The following SLC15A1 variants were observed in gnomAD, a reference collection of about 807,000 sequenced individuals.
SLC15A1 encodes the protein Caco-2 oligopeptide transporter.
A neutral mutation model predicts 92.9 loss-of-function variants in SLC15A1; 83 were observed. The observed-to-expected ratio is 0.89, with a 90% CI of 0.75 to 1.07. The LOEUF (loss-of-function observed/expected upper bound fraction) is 1.07, where lower values mean the gene tolerates loss of function less well. SLC15A1 is among the 50% of genes least tolerant of loss of function. The pLI is 0.00. For synonymous variants in SLC15A1, 322 were observed against 318.2 expected (o/e 1.01, Z -0.13); for missense variants, 857 against 880.1 (o/e 0.97, Z 0.33).
At chr13:98,716,433 C>G (rs571735095) in intron 8 of SLC15A1, among the ~76,000 whole-genome samples, 3 of 152,168 alleles carry the variant, frequency 2.0e-5, no homozygotes, top group African/African-American at 7.2e-5. Context: ...ACCAGCCTGA[C>G]CAACATGGTG....
intron 17 of SLC15A1, among the ~76,000 whole-genome samples, chr13:98,703,353 A>G (rs953032549): frequency 2.3e-4 from 35 of 152,094 alleles, no homozygotes; most frequent in Admixed American, 5.9e-4. Flanking sequence ...CGGTGCTTCC[A>G]CAGAACACTA....
chr13:98,717,177 G>A (rs775371016), intron 8 of SLC15A1, among the ~76,000 whole-genome samples: 4 of 152,114 alleles, frequency 2.6e-5, no homozygotes, highest in Middle Eastern at 3.4e-3. Context: ...CAATTAAGAG[G>A]GTCTGAGATT....
intron 1 of SLC15A1, among the ~76,000 whole-genome samples, chr13:98,743,652 C>A (rs909569643): frequency 6.6e-6 from 1 of 152,112 alleles, no homozygotes; most frequent in Middle Eastern, 3.2e-3. Flanking sequence ...CAGGTAGAGG[C>A]CGGGTAGTCA....
Position 98,712,493 on chromosome 13 carries a change from C to T in SLC15A1, c.810+5G>A, listed in dbSNP as rs144598592. On this transcript the variant is annotated splice_donor_5th_base_variant and intron_variant, in intron 10 of 22. Coordinates refer to ENST00000376503, the MANE Select transcript of SLC15A1 (RefSeq NM_005073.4). ...AGGGTCATTGTAGCAATGACCGTTA[C>T]TTACATCGTATTTCTCTTTAGCCCA... 9.3e-6 allele frequency: 15 copies of T among 1,604,584 alleles called. No homozygotes were observed. Among genetic ancestry groups the T allele is most frequent in the Admixed American group, 1.7e-5 (1 of 59,636 alleles).
chr13:98,715,980 A>G lies in SLC15A1; in HGVS notation c.641-20T>C. The G allele has an allele frequency of 6.2e-7, 1 of 1,608,074 alleles. No individual in the cohort carries two copies. The highest frequency in any genetic ancestry group is 8.5e-7 in the Non-Finnish European group (1 of 1,174,510). ...ACACAACTAGATAGGGCAGAAGAAG[A>G]CATGTCAGCAAAGCATGTGACCGAG... On this transcript the variant is annotated intron_variant, in intron 8 of 22. Transcript: ENST00000376503.
In SLC15A1 at chr13:98,688,567, T is replaced by C. The variant is rs750579782; in HGVS notation, c.1477A>G (p.Thr493Ala). 1 of 1,612,786 alleles carries C rather than the reference T, an allele frequency of 6.2e-7. No individual in the cohort carries two copies. Among genetic ancestry groups the C allele is most frequent in the South Asian group, 1.1e-5 (1 of 91,006 alleles). Reference protein sequence around the residue: ...KGENGIRFVNTFNELITITMS... With the variant: ...KGENGIRFVNAFNELITITMS... ...GTGATGGTGATGAGCTCGTTAAAAG[T>C]ATTTACAAATCTGAAACAGAAAACC... The change falls in exon 19 of 23, where the codon ACT (threonine) becomes GCT (alanine). Residue 493 changes from threonine to alanine, a missense_variant. Thr to Ala is a moderately conservative substitution (Grantham distance 58). Coordinates refer to ENST00000376503, the MANE Select transcript of SLC15A1 (RefSeq NM_005073.4).
At chr13:98,700,657 TGTA>T (rs1485564009) in intron 18 of SLC15A1, among the ~76,000 whole-genome samples, 1 of 152,142 alleles carries the variant, frequency 6.6e-6, no homozygotes, top group Non-Finnish European at 1.5e-5. Flanking sequence ...ACATTTTACT[TGTA>T]GATCTAGAAT....
At chr13:98,702,032 T>C (rs2088072018) in intron 18 of SLC15A1, among the ~76,000 whole-genome samples, 1 of 152,114 alleles carries the variant, frequency 6.6e-6, no homozygotes, top group South Asian at 2.1e-4. Context: ...TTCTTTTTCT[T>C]GTGTCTTTGC....
intron 1 of SLC15A1, among the ~76,000 whole-genome samples, chr13:98,730,609 C>T (rs1483679105): frequency 3.9e-5 from 6 of 152,226 alleles, no homozygotes; most frequent in South Asian, 2.1e-4. Flanking sequence ...GGATGACCTC[C>T]GCCCTGCGGG....
rs7331216 is a variant in SLC15A1 at position 98,684,665 on chromosome 13, T to C, written c.*59A>G. ...CCATCCAATGGAGTGTCCTGCTACC[T>C]GGGGGCAGAGGTCAGGGCATCTGCG... is the stretch of plus-strand genomic sequence containing the variant. On this transcript the variant is annotated 3_prime_UTR_variant, in exon 23 of 23. Coordinates refer to ENST00000376503, the MANE Select transcript of SLC15A1 (RefSeq NM_005073.4). 95,672 of 1,447,040 alleles carry C rather than the reference T, an allele frequency of 0.066. 4,215 individuals carry two copies. Among genetic ancestry groups the C allele is most frequent in the Admixed American group, 0.17 (9,982 of 57,746 alleles). 89.6% of individuals were successfully genotyped at this position (1,447,040 alleles called of 1,614,324 possible). A position where few individuals can be genotyped will look rare whatever the true frequency, so the allele number is the denominator to read the frequency against.
chr13:98,702,272 A>G (rs949347814), intron 18 of SLC15A1, among the ~76,000 whole-genome samples: 3 of 152,208 alleles, frequency 2.0e-5, no homozygotes, highest in Admixed American at 1.3e-4. Context: ...TAATCAATTG[A>G]TAAGATGACG....
intron 18 of SLC15A1, among the ~76,000 whole-genome samples, chr13:98,701,480 G>T (rs2088066447): frequency 6.6e-6 from 1 of 151,466 alleles, no homozygotes; most frequent in Non-Finnish European, 1.5e-5. Context: ...CTATAAAGTA[G>T]AAATTTATTT....
intron 5 of SLC15A1, among the ~76,000 whole-genome samples, chr13:98,723,677 A>G (rs1378579930): frequency 6.6e-6 from 1 of 152,182 alleles, no homozygotes. Context: ...CACATGGGAT[A>G]TGATGGCGCA....
chr13:98,738,676 G>A (rs1275643131), intron 1 of SLC15A1, among the ~76,000 whole-genome samples: 2 of 152,250 alleles, frequency 1.3e-5, no homozygotes, highest in Non-Finnish European at 2.9e-5. Context: ...ATAGATTTCA[G>A]AGGATATATG....
At chr13:98,692,890 A>G (rs1374618425) in intron 18 of SLC15A1, among the ~76,000 whole-genome samples, 2 of 151,588 alleles carry the variant, frequency 1.3e-5, no homozygotes, top group Non-Finnish European at 2.9e-5. Flanking sequence ...GGGACACACC[A>G]CCATGCCTGG....
intron 1 of SLC15A1, among the ~76,000 whole-genome samples, chr13:98,734,978 T>A (rs939348236): frequency 6.6e-6 from 1 of 152,220 alleles, no homozygotes; most frequent in Admixed American, 6.5e-5. Context: ...CCATAACTCA[T>A]TTTATGAGGC....
At chr13:98,693,083 C>T (rs71437974) in intron 18 of SLC15A1, among the ~76,000 whole-genome samples, 3 of 123,062 alleles carry the variant, frequency 2.4e-5, no homozygotes, top group Non-Finnish European at 3.3e-5. Flanking sequence ...TTGTTATTGT[C>T]TACGTTTTTT....
chr13:98,739,148 T>C (rs1258103940), intron 1 of SLC15A1, among the ~76,000 whole-genome samples: 1 of 152,236 alleles, frequency 6.6e-6, no homozygotes, highest in East Asian at 1.9e-4. Flanking sequence ...AATGGGAATG[T>C]TTACCCAATG....
At chr13:98,731,243 T>C (rs1377910659) in intron 1 of SLC15A1, among the ~76,000 whole-genome samples, 1 of 152,146 alleles carries the variant, frequency 6.6e-6, no homozygotes, top group African/African-American at 2.4e-5. Context: ...AGGTCCGTGG[T>C]GAGGCAGCGC....
Sources: gnomAD v4.1 joint callset for allele counts (sites outside exome capture counted in the v4.1 genomes callset) on GRCh38, gnomAD v4.1.1 for gene constraint, MANE v1.5 for transcripts, NCBI Gene and HGNC (gene_info 2026-07-23, HGNC 2026-07-21) for gene names.